Variants in NAA25 observed in about 807,000 individuals in gnomAD.
NAA25 encodes N-terminal acetyltransferase B complex subunit NAA25.
In NAA25, 30 loss-of-function variants were observed where a neutral mutation model predicts 132.5. That is an observed-to-expected ratio of 0.23 (90% CI 0.17 to 0.31). NAA25 has a LOEUF of 0.31. NAA25 is among the 10% of genes least tolerant of loss of function. NAA25 has a pLI of 1.00. For missense variants in NAA25, 771 were observed against 1,150.4 expected (o/e 0.67, Z 4.77); for synonymous variants, 359 against 401.9 (o/e 0.89, Z 1.28).
chr12:112,087,836 T>A, intron 3 of NAA25, 35 bp from the exon 4 acceptor site: 1 of 1,336,104 alleles, frequency 7.5e-7, no homozygotes, highest in Non-Finnish European at 1.1e-6. Flanking sequence ...AAGTTATACT[T>A]CAAGAACATT....
intron 23 of NAA25, 102 bp from the exon 24 acceptor site, chr12:112,029,755 TTG>T: frequency 6.7e-7 from 1 of 1,493,786 alleles, no homozygotes; most frequent in South Asian, 1.3e-5. Flanking sequence ...TTTGGTCTCA[TTG>T]CAAGCTCCAT....
intron 15 of NAA25, among the ~76,000 whole-genome samples, chr12:112,051,338 G>A (rs1377413741): frequency 6.6e-6 from 1 of 152,134 alleles, no homozygotes; most frequent in African/African-American, 2.4e-5. Context: ...AGCCTGCCGA[G>A]TAGCTGGGAT....
chr12:112,053,277 G>A (rs868154274), intron 15 of NAA25, among the ~76,000 whole-genome samples: 1 of 152,166 alleles, frequency 6.6e-6, no homozygotes, highest in Non-Finnish European at 1.5e-5. Flanking sequence ...GTCTCTTAGA[G>A]ATTAAAAGCC....
chr12:112,075,441 G>T (rs1395934889), intron 8 of NAA25, among the ~76,000 whole-genome samples: 2 of 152,016 alleles, frequency 1.3e-5, no homozygotes, highest in East Asian at 3.9e-4. Context: ...TGCCCACCTT[G>T]GCCTCTCAAA....
chr12:112,076,507 G>A lies in NAA25; in HGVS notation c.665-718C>T, dbSNP rs773909078. 1.8e-3 allele frequency among the ~76,000 whole-genome samples: 277 copies of A among 151,890 alleles called. 1 individual carries two copies. The highest frequency in any genetic ancestry group is 1.8e-3 in the Non-Finnish European group (123 of 67,976). On this transcript the variant is annotated intron_variant, in intron 7 of 23. Transcript: ENST00000261745. ...CATGAGCTAAGAAAGATGAGATGTT[G>A]GAAGAAGACAAAAAAGAGTGGAGAG...
intron 23 of NAA25, among the ~76,000 whole-genome samples, chr12:112,030,210 C>CAAAAAAAAA (rs67757055): frequency 5.6e-5 from 3 of 53,398 alleles, no homozygotes; most frequent in Admixed American, 2.5e-4. Flanking sequence ...AAAGCTGTCT[C>CAAAAAAAAA]AAAAAAAAAA....
At chr12:112,091,765 G>A (rs935871969) in intron 2 of NAA25, among the ~76,000 whole-genome samples, 1 of 151,846 alleles carries the variant, frequency 6.6e-6, no homozygotes, top group Non-Finnish European at 1.5e-5. Flanking sequence ...AGGAGGCTGA[G>A]ATGAGAGGAT....
intron 4 of NAA25, among the ~76,000 whole-genome samples, chr12:112,083,746 G>A (rs1353206839): frequency 2.0e-5 from 3 of 152,002 alleles, no homozygotes; most frequent in African/African-American, 7.2e-5. Context: ...CTTTGAGTTA[G>A]AAAACCGGCT....
At chr12:112,081,201 C>A in intron 4 of NAA25, 67 bp from the exon 5 acceptor site, 1 of 1,350,362 alleles carries the variant, frequency 7.4e-7, no homozygotes, top group Non-Finnish European at 1.0e-6. Context: ...GATCTAGATA[C>A]ACGACAAAAA....
Position 112,078,266 on chromosome 12 carries a change from C to T in NAA25, c.586G>A (p.Val196Ile). Reference protein sequence around the residue: ...KEDKIEAEAEVELYYMILERL... With the variant: ...KEDKIEAEAEIELYYMILERL... ...TCCAGGATCATATAATAAAGTTCAA[C>T]CTTACAGAAAAAAAACAAGAAGTGC... Residue 196 changes from valine (V) to isoleucine (I), a missense_variant and splice_region_variant, in exon 7 of 24, where the codon GTT (valine) becomes ATT (isoleucine). Transcript: ENST00000261745. The T allele has an allele frequency of 6.2e-7, 1 of 1,601,048 alleles. No individual in the cohort carries two copies. Among genetic ancestry groups the T allele is most frequent in the Non-Finnish European group, 8.5e-7 (1 of 1,174,916 alleles).
At chr12:112,066,027 T>A (rs920146965) in intron 11 of NAA25, among the ~76,000 whole-genome samples, 5 of 152,212 alleles carry the variant, frequency 3.3e-5, no homozygotes, top group Non-Finnish European at 7.3e-5. Context: ...ATCCTTATTC[T>A]CACAGAGCAG....
intron 3 of NAA25, among the ~76,000 whole-genome samples, chr12:112,090,159 G>A (rs1349060466): frequency 6.6e-6 from 1 of 151,894 alleles, no homozygotes; most frequent in African/African-American, 2.4e-5. Context: ...TAGGTGGTAG[G>A]TTCATGAGTT....
At chr12:112,087,639 T>C (rs547064734) in intron 4 of NAA25, 44 bp downstream of exon 4, 3 of 1,351,508 alleles carry the variant, frequency 2.2e-6, no homozygotes, top group South Asian at 2.4e-5. Flanking sequence ...CTTTTGCCTC[T>C]AATAGTAAAT....
chr12:112,043,028 T>C lies in NAA25; in HGVS notation c.2374+60A>G, dbSNP rs917650238. Reference sequence around the variant, plus strand: ...TTCCAGATGTGAGGTTATAGACATTTTATTACGTGTACTACATTTTCTATG... The same window carrying C: ...TTCCAGATGTGAGGTTATAGACATTCTATTACGTGTACTACATTTTCTATG... On this transcript the variant is annotated intron_variant, in intron 19 of 23. Coordinates refer to ENST00000261745, the MANE Select transcript of NAA25 (RefSeq NM_024953.4). The C allele has an allele frequency of 2.7e-6, 4 of 1,477,888 alleles. No individual in the cohort carries two copies. The African/African-American group carries it at 5.6e-5, about 21-fold the overall frequency. 91.5% of individuals were successfully genotyped at this position (1,477,888 alleles called of 1,614,324 possible).
intron 13 of NAA25, among the ~76,000 whole-genome samples, chr12:112,059,075 C>CAAAAAAA (rs530305102): frequency 9.5e-5 from 6 of 63,280 alleles, no homozygotes; most frequent in African/African-American, 1.3e-4. Flanking sequence ...CTCCATCTCA[C>CAAAAAAA]AAAAAAAAAA....
At chr12:112,057,380 G>A (rs939902001) in intron 13 of NAA25, among the ~76,000 whole-genome samples, 1 of 152,156 alleles carries the variant, frequency 6.6e-6, no homozygotes, top group Non-Finnish European at 1.5e-5. Flanking sequence ...GAGAACGGAT[G>A]TTAGGCATCA....
chr12:112,098,628 A>AGATC (rs2079248674), intron 1 of NAA25, among the ~76,000 whole-genome samples: 1 of 152,210 alleles, frequency 6.6e-6, no homozygotes, highest in Non-Finnish European at 1.5e-5. Context: ...AGCCATCCAC[A>AGATC]GATCAGGCAA....
intron 4 of NAA25, among the ~76,000 whole-genome samples, chr12:112,085,133 G>A (rs552465078): frequency 2.6e-5 from 4 of 151,984 alleles, no homozygotes; most frequent in East Asian, 3.9e-4. Context: ...AGGAGGCTGA[G>A]GCAGGAGAAT....
At chr12:112,092,257 A>AG (rs2079142871) in intron 2 of NAA25, among the ~76,000 whole-genome samples, 1 of 151,576 alleles carries the variant, frequency 6.6e-6, no homozygotes, top group South Asian at 2.1e-4. Context: ...GAAAAAAAAA[A>AG]CGAAAAAAGA....
Sources: gnomAD v4.1 joint callset for allele counts (sites outside exome capture counted in the v4.1 genomes callset) on GRCh38, gnomAD v4.1.1 for gene constraint, MANE v1.5 for transcripts, NCBI Gene and HGNC (gene_info 2026-07-23, HGNC 2026-07-21) for gene names.